Variants in PCSK2 observed in about 807,000 individuals in gnomAD.
PCSK2 encodes the protein neuroendocrine convertase 2.
Under a neutral mutation model 69.7 loss-of-function variants are expected in PCSK2, and 14 were observed. That is an observed-to-expected ratio of 0.20 (90% CI 0.13 to 0.31). The LOEUF is 0.31. Ranked by LOEUF, PCSK2 falls within the 10% of genes least tolerant of loss-of-function variation. The pLI is 1.00. For missense variants in PCSK2, 544 were observed against 842.5 expected (o/e 0.65, Z 4.39); for synonymous variants, 307 against 320.7 (o/e 0.96, Z 0.46).
At position 17,426,244 on chromosome 20, in the gene PCSK2, C is replaced by A. The variant is rs188171690; in HGVS notation, c.621-3191C>A. Among the ~76,000 whole-genome samples, 307 of 152,294 alleles carry A rather than the reference C, an allele frequency of 2.0e-3. 2 individuals are homozygous for A. The highest frequency in any genetic ancestry group is 3.9e-3 in the Non-Finnish European group (268 of 68,026). On this transcript the variant is annotated intron_variant, in intron 6 of 11. Transcript: ENST00000262545. ...CAAGATCTGATGGTTTTATAAGCAT[C>A]TGGCATTTCCCCTGCTGGCACTCAT...
intron 2 of PCSK2, among the ~76,000 whole-genome samples, chr20:17,317,378 T>C (rs1285645421): frequency 2.0e-5 from 3 of 152,228 alleles, no homozygotes; most frequent in African/African-American, 7.2e-5. Context: ...TTCATTTGAA[T>C]TATCCAAAGC....
chr20:17,340,182 G>C (rs974198843), intron 2 of PCSK2, among the ~76,000 whole-genome samples: 5 of 152,198 alleles, frequency 3.3e-5, no homozygotes, highest in African/African-American at 1.2e-4. Flanking sequence ...CAGGCGGCAT[G>C]GAGGAAGAGT....
chr20:17,235,797 CACAA>C (rs1476356312), intron 1 of PCSK2, among the ~76,000 whole-genome samples: 1 of 152,024 alleles, frequency 6.6e-6, no homozygotes, highest in African/African-American at 2.4e-5. Flanking sequence ...CAATGACACA[CACAA>C]ACAAAAAAGT....
At chr20:17,326,602 TA>T (rs1416773962) in intron 2 of PCSK2, among the ~76,000 whole-genome samples, 1 of 152,246 alleles carries the variant, frequency 6.6e-6, no homozygotes, top group African/African-American at 2.4e-5. Context: ...TCAACATTTT[TA>T]TAAATCTGAA....
chr20:17,345,970 T>C (rs1990640429), intron 2 of PCSK2, among the ~76,000 whole-genome samples: 1 of 152,162 alleles, frequency 6.6e-6, no homozygotes, highest in Admixed American at 6.5e-5. Context: ...GCTCTTTCCA[T>C]TGAAGCTTGC....
At chr20:17,271,112 G>A (rs901562169) in intron 2 of PCSK2, among the ~76,000 whole-genome samples, 1 of 151,964 alleles carries the variant, frequency 6.6e-6, no homozygotes, top group African/African-American at 2.4e-5. Context: ...TGAGAAATAG[G>A]GCTTTTTCTT....
chr20:17,396,182 T>C (rs1311685379), intron 5 of PCSK2, among the ~76,000 whole-genome samples: 2 of 152,236 alleles, frequency 1.3e-5, no homozygotes. Flanking sequence ...CTGGTTCCTT[T>C]TCCGGAGCTG....
At chr20:17,265,647 C>T (rs1246479074) in intron 2 of PCSK2, among the ~76,000 whole-genome samples, 2 of 152,104 alleles carry the variant, frequency 1.3e-5, no homozygotes, top group Non-Finnish European at 2.9e-5. Flanking sequence ...TTCCTTGTAG[C>T]ATAAATTGGA....
chr20:17,244,258 T>C (rs935351945), intron 1 of PCSK2, among the ~76,000 whole-genome samples: 5 of 152,334 alleles, frequency 3.3e-5, no homozygotes, highest in Non-Finnish European at 4.4e-5. Flanking sequence ...AAGTCTGAAA[T>C]TATTTCAAAA....
At chr20:17,417,632 A>G (rs1034099509) in intron 6 of PCSK2, among the ~76,000 whole-genome samples, 1 of 152,244 alleles carries the variant, frequency 6.6e-6, no homozygotes, top group Non-Finnish European at 1.5e-5. Flanking sequence ...GAAAATCCTT[A>G]GTTCAAAACA....
chr20:17,251,825 G>A (rs778839683), intron 1 of PCSK2, among the ~76,000 whole-genome samples: 2 of 152,116 alleles, frequency 1.3e-5, no homozygotes, highest in Non-Finnish European at 2.9e-5. Flanking sequence ...AGGCTCAGTT[G>A]GGAAGACTCA....
At chr20:17,404,401 TGA>T (rs1189912977) in intron 5 of PCSK2, among the ~76,000 whole-genome samples, 1 of 152,196 alleles carries the variant, frequency 6.6e-6, no homozygotes, top group Non-Finnish European at 1.5e-5. Context: ...ACTCGTAGGT[TGA>T]GAAACAGAAG....
At chr20:17,305,147 T>C (rs1167864435) in intron 2 of PCSK2, among the ~76,000 whole-genome samples, 1 of 152,240 alleles carries the variant, frequency 6.6e-6, no homozygotes, top group South Asian at 2.1e-4. Context: ...TTCCAAAATA[T>C]GTTTACTAAT....
intron 2 of PCSK2, among the ~76,000 whole-genome samples, chr20:17,324,973 A>T (rs956852427): frequency 6.6e-6 from 1 of 152,082 alleles, no homozygotes; most frequent in Non-Finnish European, 1.5e-5. Flanking sequence ...TCTCCTTGCC[A>T]CACAGTGTGC....
At chr20:17,369,143 C>T in intron 4 of PCSK2, 97 bp from the exon 5 acceptor site, 1 of 1,010,522 alleles carries the variant, frequency 9.9e-7, no homozygotes, top group Non-Finnish European at 1.5e-6. Flanking sequence ...CTTCTGGCAC[C>T]AGCCCCATAA....
chr20:17,266,695 C>T (rs1411872093), intron 2 of PCSK2, among the ~76,000 whole-genome samples: 1 of 152,136 alleles, frequency 6.6e-6, no homozygotes, highest in Non-Finnish European at 1.5e-5. Context: ...AGCAAATGGG[C>T]TTTCAACAGG....
intron 2 of PCSK2, among the ~76,000 whole-genome samples, chr20:17,278,158 G>C (rs1988164588): frequency 6.6e-6 from 1 of 152,220 alleles, no homozygotes; most frequent in South Asian, 2.1e-4. Context: ...GGAAGTCAGT[G>C]TGGCAATTCC....
intron 2 of PCSK2, among the ~76,000 whole-genome samples, chr20:17,324,753 T>C (rs7265630): frequency 0.018 from 2,773 of 152,284 alleles, 91 homozygotes; most frequent in African/African-American, 0.064. Context: ...GTGGGCTTGA[T>C]ATGCTTAAAA....
At chr20:17,425,189 TA>T (rs1286153515) in intron 6 of PCSK2, among the ~76,000 whole-genome samples, 1 of 152,250 alleles carries the variant, frequency 6.6e-6, no homozygotes, top group Non-Finnish European at 1.5e-5. Flanking sequence ...AAATTGTCTA[TA>T]TTTTTTTAAA....
Sources: allele counts gnomAD v4.1 joint callset (sites outside exome capture counted in the v4.1 genomes callset), GRCh38; gene constraint gnomAD v4.1.1; transcripts MANE v1.5; gene names NCBI Gene and HGNC (gene_info 2026-07-23, HGNC 2026-07-21).